ARFIP1: variants seen among roughly 807,000 people sequenced by gnomAD.
The protein encoded by ARFIP1 is ARF interacting protein 1, also known as arfaptin-1.
In ARFIP1, 24 loss-of-function variants were observed where a neutral mutation model predicts 42.5. The ratio of observed to expected loss-of-function variants is 0.57; its 90% confidence interval spans 0.41 to 0.80. The LOEUF (loss-of-function observed/expected upper bound fraction) is 0.80. ARFIP1 is among the 30% of genes least tolerant of loss of function. The pLI, the probability that ARFIP1 is intolerant of heterozygous loss-of-function variation, is 0.00. For missense variants in ARFIP1, 354 were observed against 434.0 expected (o/e 0.82, Z 1.64); for synonymous variants, 141 against 153.7 (o/e 0.92, Z 0.61).
intron 8 of ARFIP1, among the ~76,000 whole-genome samples, chr4:152,908,891 A>AGTGTGTGTGTGTGTGTGT (rs58362465): frequency 2.3e-5 from 3 of 132,464 alleles, no homozygotes; most frequent in East Asian, 2.2e-4. Flanking sequence ...GCTAGAGAGA[A>AGTGTGTGTGTGTGTGTGT]GTGTGTGTGT....
chr4:152,881,303 C>A, intron 6 of ARFIP1, 119 bp downstream of exon 6: 1 of 785,036 alleles, frequency 1.3e-6, no homozygotes, highest in Non-Finnish European at 2.0e-6. Context: ...CTGAGATTCT[C>A]TTTTAAGATA....
At position 152,827,579 on chromosome 4, in the gene ARFIP1, A is replaced by G. The variant is rs534505560; in HGVS notation, c.-9-2046A>G. 2.0e-5 allele frequency among the ~76,000 whole-genome samples: 3 copies of G among 152,166 alleles called. No individual in the cohort carries two copies. In the South Asian group the frequency reaches 6.2e-4, roughly 32 times the overall value. On this transcript the variant is annotated intron_variant, in intron 1 of 8. Transcript: ENST00000353617. ...TCAGCCTGTTCTTCCTTCCTCACTA[A>G]CTTCTAGCACCCTCTTGTCTTTTTA...
intron 8 of ARFIP1, among the ~76,000 whole-genome samples, chr4:152,904,080 T>TAC (rs1738079727): frequency 6.6e-6 from 1 of 151,430 alleles, no homozygotes; most frequent in Non-Finnish European, 1.5e-5. Flanking sequence ...AGTTCATGGG[T>TAC]ACACGTGCAG....
chr4:152,842,806 T>A (rs1732202283), intron 2 of ARFIP1, among the ~76,000 whole-genome samples: 1 of 152,176 alleles, frequency 6.6e-6, no homozygotes, highest in Non-Finnish European at 1.5e-5. Context: ...CCTTGAATAT[T>A]TCTCCCTTCA....
At chr4:152,877,221 T>C (rs1735431153) in intron 5 of ARFIP1, among the ~76,000 whole-genome samples, 2 of 152,008 alleles carry the variant, frequency 1.3e-5, no homozygotes, top group South Asian at 4.1e-4. Context: ...CGCCAGCCCA[T>C]GAGAGCAGCT....
intron 1 of ARFIP1, among the ~76,000 whole-genome samples, chr4:152,807,553 C>G (rs1461251716): frequency 2.0e-5 from 3 of 152,114 alleles, no homozygotes; most frequent in African/African-American, 7.2e-5. Flanking sequence ...ACTCGCCATT[C>G]CTGTACTTTC....
chr4:152,799,054 A>G (rs1330540367), intron 1 of ARFIP1, among the ~76,000 whole-genome samples: 1 of 152,176 alleles, frequency 6.6e-6, no homozygotes, highest in East Asian at 1.9e-4. Context: ...CAGTTTTTTC[A>G]TTTGTCAAAT....
In ARFIP1 at chr4:152,859,629, T is replaced by A. The variant is rs1578950471; in HGVS notation, c.94-3977T>A. Among the ~76,000 whole-genome samples, 3 of 152,118 alleles carry A rather than the reference T, an allele frequency of 2.0e-5. No individual in the cohort carries two copies. In the South Asian group the frequency reaches 6.2e-4, roughly 32 times the overall value. ...TCCTATCCCTACTGAAGGTACTTAT[T>A]TTTAATGATCTTCCAGCTGGGCTTT... On this transcript the variant is annotated intron_variant, in intron 2 of 8. Coordinates refer to ENST00000353617, the MANE Select transcript of ARFIP1 (RefSeq NM_001025595.3).
chr4:152,897,329 T>TTA (rs1737423947), intron 8 of ARFIP1, among the ~76,000 whole-genome samples: 1 of 151,966 alleles, frequency 6.6e-6, no homozygotes, highest in African/African-American at 2.4e-5. Context: ...TTTTTTTTTT[T>TTA]ACCAGTTATG....
At chr4:152,880,255 A>C (rs752965636) in intron 5 of ARFIP1, among the ~76,000 whole-genome samples, 4 of 152,016 alleles carry the variant, frequency 2.6e-5, no homozygotes, top group Non-Finnish European at 5.9e-5. Flanking sequence ...AGACATGAGA[A>C]TCACTTGAAC....
chr4:152,853,823 G>T (rs1733191307), intron 2 of ARFIP1, among the ~76,000 whole-genome samples: 1 of 150,870 alleles, frequency 6.6e-6, no homozygotes, highest in African/African-American at 2.4e-5. Context: ...CTCATGTCAT[G>T]AATACTTTCC....
intron 1 of ARFIP1, among the ~76,000 whole-genome samples, chr4:152,784,697 T>C (rs1730693717): frequency 6.6e-6 from 1 of 152,252 alleles, no homozygotes; most frequent in African/African-American, 2.4e-5. Context: ...TGAATAACTT[T>C]GGGTATTTGG....
intron 1 of ARFIP1, among the ~76,000 whole-genome samples, chr4:152,828,261 T>C (rs1268085432): frequency 6.6e-6 from 1 of 152,220 alleles, no homozygotes; most frequent in Non-Finnish European, 1.5e-5. Flanking sequence ...TGTAAGAGTA[T>C]GTTTAATTTT....
At chr4:152,784,078 G>T (rs1454915785) in intron 1 of ARFIP1, among the ~76,000 whole-genome samples, 1 of 152,094 alleles carries the variant, frequency 6.6e-6, no homozygotes, top group South Asian at 2.1e-4. Context: ...GGAAGAAGGA[G>T]TAAATTAAAC....
chr4:152,889,527 AT>A (rs1736553893), intron 8 of ARFIP1, among the ~76,000 whole-genome samples: 1 of 49,822 alleles, frequency 2.0e-5, no homozygotes. Context: ...ATATATATAT[AT>A]ATATATACAC....
rs1438461377 is a variant in ARFIP1 at position 152,881,009 on chromosome 4, C to G, written c.458C>G (p.Thr153Ser). 1 of 1,613,766 alleles carries G rather than the reference C, an allele frequency of 6.2e-7. No homozygotes were observed. Among genetic ancestry groups the G allele is most frequent in the Non-Finnish European group, 8.5e-7 (1 of 1,179,860 alleles). The change falls in exon 6 of 9, where the codon ACT becomes AGT. Residue 153 changes from threonine to serine, a missense_variant. By Grantham distance (58) the Thr-to-Ser change is moderately conservative (BLOSUM62 1). Coordinates refer to ENST00000353617, the MANE Select transcript of ARFIP1 (RefSeq NM_001025595.3). ...ISEKLGRGSR[T>S]VDLELEAQID... Reference sequence around the variant, plus strand: ...GAGAAGCTAGGCCGTGGCTCAAGAACTGTGGACCTTGAACTTGAAGCTCAG... The same window carrying G: ...GAGAAGCTAGGCCGTGGCTCAAGAAGTGTGGACCTTGAACTTGAAGCTCAG...
chr4:152,783,224 C>T (rs1190778580), intron 1 of ARFIP1, among the ~76,000 whole-genome samples: 2 of 152,160 alleles, frequency 1.3e-5, no homozygotes, highest in East Asian at 1.9e-4. Context: ...GCAGGAGAAT[C>T]GCTTGAACCC....
chr4:152,825,493 T>C (rs1047142398), intron 1 of ARFIP1, among the ~76,000 whole-genome samples: 1 of 152,052 alleles, frequency 6.6e-6, no homozygotes, highest in Non-Finnish European at 1.5e-5. Context: ...TGGATAACCA[T>C]GTAGAAGAAT....
At chr4:152,857,896 G>C (rs1057159617) in intron 2 of ARFIP1, among the ~76,000 whole-genome samples, 1 of 152,120 alleles carries the variant, frequency 6.6e-6, no homozygotes, top group East Asian at 1.9e-4. Flanking sequence ...CAGTCTATGT[G>C]GGCAGGGACT....
Sources: allele counts gnomAD v4.1 joint callset (sites outside exome capture counted in the v4.1 genomes callset), GRCh38; gene constraint gnomAD v4.1.1; transcripts MANE v1.5; gene names NCBI Gene and HGNC (gene_info 2026-07-23, HGNC 2026-07-21).